The following GTPBP6 variants were observed in gnomAD, a reference collection of about 807,000 sequenced individuals.
The protein encoded by GTPBP6 is GTP binding protein 6, also known as putative GTP-binding protein 6.
In GTPBP6, 33 loss-of-function variants were observed where a neutral mutation model predicts 28.9. That is an observed-to-expected ratio of 1.14 (90% CI 0.87 to 1.53). The LOEUF is 1.53. Ranked by LOEUF, GTPBP6 falls within the 40% of genes most tolerant of loss-of-function variation. The pLI is 0.00. For synonymous variants in GTPBP6, 231 were observed against 192.7 expected (o/e 1.20, Z -1.65); for missense variants, 507 against 408.3 (o/e 1.24, Z -2.08).
intron 5 of GTPBP6, 64 bp from the exon 6 acceptor site, chrX:312,988 G>A: frequency 6.9e-7 from 1 of 1,459,290 alleles, no homozygotes; most frequent in East Asian, 2.3e-5. Context: ...TGCGGGCGGT[G>A]CCGCGGAGGG....
chrX:312,395 T>C (rs1325219222), intron 6 of GTPBP6: 4 of 501,248 alleles, frequency 8.0e-6, no homozygotes, highest in Non-Finnish European at 1.6e-5. Context: ...ATGGGTGGAT[T>C]GTGTAGACAG....
intron 2 of GTPBP6, 138 bp from the exon 3 acceptor site, chrX:315,437 C>T (rs2070411711): frequency 7.5e-6 from 3 of 398,298 alleles, no homozygotes; most frequent in South Asian, 2.6e-4. Context: ...GCACGAGACC[C>T]GGGATCCAGG....
At chrX:313,860 G>C (rs1202694769) in intron 5 of GTPBP6, among the ~76,000 whole-genome samples, 2 of 152,060 alleles carry the variant, frequency 1.3e-5, no homozygotes, top group East Asian at 3.9e-4. Context: ...GGAGAGCATA[G>C]ATCTCTGCTG....
chrX:315,224 G>A lies in GTPBP6; in HGVS notation c.558+5C>T, dbSNP rs2070407533. On this transcript the variant is annotated splice_donor_5th_base_variant and intron_variant, in intron 3 of 9. Coordinates refer to ENST00000326153, the Ensembl canonical transcript of GTPBP6. ...ACAAACACAGCAAGCCACATCCTGT[G>A]GTACCTTGGTCGGGGCAGCCATCCT... is the stretch of plus-strand genomic sequence containing the variant. 2.3e-5 allele frequency: 9 copies of A among 398,634 alleles called. No individual in the cohort carries two copies. In the South Asian group the frequency reaches 1.1e-3, roughly 51 times the overall value. 24.7% of individuals were successfully genotyped at this position (398,634 alleles called of 1,614,324 possible).
At chrX:307,575 C>T in intron 8 of GTPBP6, 63 bp from the exon 9 acceptor site, 1 of 1,552,430 alleles carries the variant, frequency 6.4e-7, no homozygotes, top group Non-Finnish European at 8.8e-7. Flanking sequence ...AAATCAGGGT[C>T]CCCAGGAGTC....
At chrX:317,671 G>A (rs2070462731) in intron 1 of GTPBP6, among the ~76,000 whole-genome samples, 2 of 145,760 alleles carry the variant, frequency 1.4e-5, no homozygotes, top group East Asian at 2.1e-4. Context: ...AGGTCCCATC[G>A]GCGAGAACCG....
chrX:313,649 CAT>C (rs1245317890), intron 5 of GTPBP6, among the ~76,000 whole-genome samples: 3 of 152,056 alleles, frequency 2.0e-5, no homozygotes, highest in Non-Finnish European at 2.9e-5. Flanking sequence ...AATGCAATGA[CAT>C]GTGTCCTTGT....
intron 2 of GTPBP6, among the ~76,000 whole-genome samples, chrX:316,477 C>T (rs1196820258): frequency 1.3e-5 from 2 of 152,132 alleles, no homozygotes; most frequent in African/African-American, 4.8e-5. Flanking sequence ...AAGTGAGTAG[C>T]GTCTTCCCAA....
At chrX:318,676 C>T (rs1288945354) in exon 1 of GTPBP6, 29 of 393,724 alleles carry the variant, frequency 7.4e-5, no homozygotes, top group Non-Finnish European at 1.2e-4. Flanking sequence ...CGGCCGACAG[C>T]GGCTAGCGCG....
chrX:314,944 G>A (rs2070401838), exon 4 of GTPBP6: 3 of 398,636 alleles, frequency 7.5e-6, no homozygotes, highest in Non-Finnish European at 1.3e-5. Flanking sequence ...CTTCGTGCGG[G>A]CGTTACAGCG....
chrX:314,011 A>G (rs1490858694), intron 5 of GTPBP6, 139 bp downstream of exon 5: 9 of 750,808 alleles, frequency 1.2e-5, no homozygotes, highest in East Asian at 8.0e-5. Context: ...AGGGTCTCCT[A>G]TGTCCTCAAA....
chrX:309,472 GAA>G (rs56226093), intron 7 of GTPBP6, among the ~76,000 whole-genome samples: 52,636 of 151,896 alleles, frequency 0.35, 9,756 homozygotes, highest in South Asian at 0.56. Flanking sequence ...ACGACAGAAA[GAA>G]AGAGATGTGG....
intron 1 of GTPBP6, among the ~76,000 whole-genome samples, chrX:317,895 C>G (rs1474911241): frequency 1.3e-4 from 18 of 143,816 alleles, no homozygotes; most frequent in Non-Finnish European, 2.6e-4. Context: ...ATGGGCTCCT[C>G]CCCCGAACCC....
rs937251720 is a variant in GTPBP6 at position 307,443 on chromosome X, T to C, written c.1344A>G (p.Lys448=). 8 of 1,612,230 alleles carry C rather than the reference T, an allele frequency of 5.0e-6. No homozygotes were observed. In the African/African-American group the frequency reaches 1.1e-4, roughly 22 times the overall value. Residue 448 remains lysine (K), a synonymous_variant, in exon 9 of 10, where the codon AAA becomes AAG. Transcript: ENST00000326153. The stretch of plus-strand genomic sequence containing the variant: ...TCAAAACCGCCGCATCGAGCTCAGC[T>C]TTCAGCTCCTGGAGCCCGTGGCCCC...
chrX:316,445 G>A (rs1305971937), intron 2 of GTPBP6, among the ~76,000 whole-genome samples: 1 of 152,034 alleles, frequency 6.6e-6, no homozygotes, highest in Non-Finnish European at 1.5e-5. Flanking sequence ...GGTGACCCAG[G>A]GCAGCCGACC....
At chrX:315,013 A>G in exon 4 of GTPBP6, 1 of 398,664 alleles carries the variant, frequency 2.5e-6, no homozygotes, top group Non-Finnish European at 4.4e-6. Context: ...GGCGGCTTCC[A>G]GTTCTTTCTG....
intron 1 of GTPBP6, among the ~76,000 whole-genome samples, chrX:317,602 C>T (rs2070461705): frequency 6.6e-6 from 1 of 151,310 alleles, no homozygotes; most frequent in African/African-American, 2.4e-5. Flanking sequence ...GCTGGACGCC[C>T]TCCCTTCCCT....
chrX:309,835 A>T (rs1173027222), intron 7 of GTPBP6, among the ~76,000 whole-genome samples: 2 of 143,662 alleles, frequency 1.4e-5, no homozygotes, highest in Admixed American at 1.4e-4. Context: ...ATTATTTGGA[A>T]ACAGGGTCTC....
In GTPBP6 at chrX:318,288, C is replaced by A. The variant is rs2070477457; in HGVS notation, c.349+151G>T. On this transcript the variant is annotated intron_variant, in intron 1 of 9. Transcript: ENST00000326153. ...CTTGCGCCTCCACCTATGAGATTCT[C>A]CCCACAGAACCCCGCCCCTGAATCT... Among the ~76,000 whole-genome samples the A allele has an allele frequency of 1.0e-4, 15 of 150,550 alleles. No homozygotes were observed. In the South Asian group the frequency reaches 3.2e-3, roughly 32 times the overall value.
Sources: allele counts gnomAD v4.1 joint callset (sites outside exome capture counted in the v4.1 genomes callset), GRCh38; gene constraint gnomAD v4.1.1; transcripts MANE v1.5; gene names NCBI Gene and HGNC (gene_info 2026-07-23, HGNC 2026-07-21).